NBPF26: variants seen among roughly 807,000 people sequenced by gnomAD.
NBPF26 encodes NBPF family member NBPF26.
Under a neutral mutation model 119.6 loss-of-function variants are expected in NBPF26, and 79 were observed. The ratio of observed to expected loss-of-function variants is 0.66; its 90% confidence interval spans 0.55 to 0.80. The LOEUF (loss-of-function observed/expected upper bound fraction) is 0.80. Ranked by LOEUF, NBPF26 falls within the 30% of genes least tolerant of loss-of-function variation. NBPF26 has a pLI of 0.00. For missense variants in NBPF26, 800 were observed against 1,198.2 expected, an observed-to-expected ratio of 0.67 and a Z score of 4.91; for synonymous variants, 299 against 457.7, an observed-to-expected ratio of 0.65 and a Z score of 4.43.
At chr1:120,820,447 AATATATATATAT>A (rs1229895629) in intron 15 of NBPF26, among the ~76,000 whole-genome samples, 193 of 10,834 alleles carry the variant, frequency 0.018, 51 homozygotes, top group Non-Finnish European at 0.024. Context: ...AAGTATTAAA[AATATATATATAT>A]ATATATATAT....
chr1:120,809,999 A>G (rs1651818718), intron 8 of NBPF26, 116 bp downstream of exon 8: 6 of 1,429,380 alleles, frequency 4.2e-6, no homozygotes, highest in Admixed American at 1.8e-5. Context: ...TGGCCACAGT[A>G]TGTGAAATTC....
chr1:120,743,718 A>G (rs1650955203), intron 1 of NBPF26, among the ~76,000 whole-genome samples: 1 of 111,796 alleles, frequency 8.9e-6, no homozygotes, highest in Non-Finnish European at 1.8e-5. Context: ...TCATTTTTTG[A>G]GAACTAATGT....
chr1:120,785,036 G>T lies in NBPF26; in HGVS notation c.218G>T (p.Cys73Phe), dbSNP rs1651405569. Residue 73 changes from cysteine to phenylalanine, a missense_variant, in exon 3 of 30, where the codon TGC becomes TTC. This residue lies in a region of NBPF26 where 209 missense variants were observed against 285.2 expected (regional missense o/e 0.73). Coordinates refer to ENST00000620612, the Ensembl canonical transcript of NBPF26. ...CGAGACCCCTGTGAGAAGAACCGCTGCCAGAATGGTGGGACTTGTGTGGCC... is the reference window on the plus strand; with the variant it reads ...CGAGACCCCTGTGAGAAGAACCGCTTCCAGAATGGTGGGACTTGTGTGGCC... The T allele has an allele frequency of 4.4e-5, 63 of 1,442,744 alleles. 14 individuals are homozygous for T. The highest frequency in any genetic ancestry group is 4.0e-4 in the East Asian group (17 of 42,818). 89.4% of individuals were successfully genotyped at this position (1,442,744 alleles called of 1,614,324 possible).
chr1:120,806,641 A>G lies in NBPF26; in HGVS notation c.961+876A>G. Among the ~76,000 whole-genome samples the G allele has an allele frequency of 1.6e-5, 2 of 123,258 alleles. 1 individual carries two copies. The highest frequency in any genetic ancestry group is 3.3e-5 in the Non-Finnish European group (2 of 60,818). 80.9% of individuals were successfully genotyped at this position (123,258 alleles called of 152,430 possible). A position where few individuals can be genotyped will look rare whatever the true frequency, so the allele number is the denominator to read the frequency against. ...TAAATCAAAAATAAAAATAAAAAGC[A>G]GAGAGTACCTTGGTGAGAGTGAAGT... On this transcript the variant is annotated intron_variant, in intron 5 of 29. Transcript: ENST00000620612.
In NBPF26 at chr1:120,790,412, C is replaced by A. The variant is rs1651474051; in HGVS notation, c.416-2749C>A. 2.6e-5 allele frequency among the ~76,000 whole-genome samples: 3 copies of A among 115,586 alleles called. 1 individual carries two copies. In the South Asian group the frequency reaches 7.5e-4, roughly 29 times the overall value. 75.8% of individuals were successfully genotyped at this position (115,586 alleles called of 152,430 possible). On this transcript the variant is annotated intron_variant, in intron 3 of 29. Transcript: ENST00000620612. Reference sequence around the variant, plus strand: ...TTTTGGTTTTTGTGATAGCACTATACCTCAGTCAGCTTACTAGCTCATCTC... The same window carrying A: ...TTTTGGTTTTTGTGATAGCACTATAACTCAGTCAGCTTACTAGCTCATCTC...
chr1:120,817,252 A>G (rs1206299588), intron 14 of NBPF26, among the ~76,000 whole-genome samples: 1 of 112,954 alleles, frequency 8.9e-6, no homozygotes, highest in East Asian at 2.1e-4. Context: ...TTTCATCTGG[A>G]TCTCCTTTAA....
Position 120,840,481 on chromosome 1 carries a change from C to T in NBPF26, c.4235C>T (p.Ser1412Leu), listed in dbSNP as rs1553273513. Residue 1412 changes from serine to leucine, a missense_variant, in exon 30 of 30, where the codon TCA becomes TTA. By Grantham distance (145) the Ser-to-Leu change is moderately radical (BLOSUM62 -2). Coordinates refer to ENST00000620612, the Ensembl canonical transcript of NBPF26. ...CAGCACTACAGAAGTGTGTTTTACTCATTTGAGGAAGAGCATATCAGCTTC... is the reference window on the plus strand; with the variant it reads ...CAGCACTACAGAAGTGTGTTTTACTTATTTGAGGAAGAGCATATCAGCTTC... 3 of 1,480,044 alleles carry T rather than the reference C, an allele frequency of 2.0e-6. 1 individual carries two copies. Among genetic ancestry groups the T allele is most frequent in the Non-Finnish European group, 1.8e-6 (2 of 1,093,258 alleles). The allele number at this position is 1,480,044 out of a possible 1,614,324, so 91.7% of individuals were successfully genotyped here.
At chr1:120,761,593 A>G (rs1402050777) in intron 1 of NBPF26, among the ~76,000 whole-genome samples, 1 of 48,960 alleles carries the variant, frequency 2.0e-5, no homozygotes, top group East Asian at 4.1e-4. Context: ...TATTTAAAGA[A>G]AAAAAGTAAA....
At position 120,763,488 on chromosome 1, in the gene NBPF26, A is replaced by G. The variant is rs1651155145; in HGVS notation, c.74-140A>G. 8.8e-6 allele frequency: 4 copies of G among 453,870 alleles called. 1 individual carries two copies. The highest frequency in any genetic ancestry group is 3.9e-6 in the Non-Finnish European group (1 of 256,754). 28.1% of individuals were successfully genotyped at this position (453,870 alleles called of 1,614,324 possible). On this transcript the variant is annotated intron_variant, in intron 1 of 29. Coordinates refer to ENST00000620612, the Ensembl canonical transcript of NBPF26. Reference sequence around the variant, plus strand: ...GGGCTTCTGTGCTAGAAGCCAGAACATAAAAAACTGATTAAAACTCTAAAA... The same window carrying G: ...GGGCTTCTGTGCTAGAAGCCAGAACGTAAAAAACTGATTAAAACTCTAAAA...
In NBPF26 at chr1:120,727,463, G is replaced by A; in HGVS notation, c.73+3213G>A. 1.8e-5 allele frequency among the ~76,000 whole-genome samples: 2 copies of A among 113,276 alleles called. 1 individual carries two copies. Among genetic ancestry groups the A allele is most frequent in the African/African-American group, 1.1e-4 (2 of 18,774 alleles). The allele number at this position is 113,276 out of a possible 152,430, so 74.3% of individuals were successfully genotyped here. On this transcript the variant is annotated intron_variant, in intron 1 of 29. Transcript: ENST00000620612. Reference sequence around the variant, plus strand: ...TGTCATTTCTTCTGTTTATCTGGGTGCAGTATGTCTGCATTGACCCTTTAG... The same window carrying A: ...TGTCATTTCTTCTGTTTATCTGGGTACAGTATGTCTGCATTGACCCTTTAG...
chr1:120,778,601 T>A (rs1651326537), intron 2 of NBPF26, among the ~76,000 whole-genome samples: 1 of 21,234 alleles, frequency 4.7e-5, no homozygotes, highest in Non-Finnish European at 7.4e-5. Flanking sequence ...AATGGCCAAA[T>A]CCTCGTTTTA....
At chr1:120,785,276 G>T in intron 3 of NBPF26, 43 bp downstream of exon 3, 2 of 1,424,362 alleles carry the variant, frequency 1.4e-6, no homozygotes, top group Non-Finnish European at 1.9e-6. Context: ...ACCTTCAGCA[G>T]ATACCTTTAT....
At chr1:120,790,786 G>T (rs1273624338) in intron 3 of NBPF26, among the ~76,000 whole-genome samples, 4 of 106,946 alleles carry the variant, frequency 3.7e-5, no homozygotes, top group Non-Finnish European at 6.9e-5. Context: ...TTTTAGAAAA[G>T]ATGGCGTTTC....
At chr1:120,778,611 A>T (rs1222689816) in intron 2 of NBPF26, among the ~76,000 whole-genome samples, 4,400 of 19,858 alleles carry the variant, frequency 0.22, 858 homozygotes, top group East Asian at 0.26. Flanking sequence ...TCCTCGTTTT[A>T]AAAAAAAAAA....
exon 30 of NBPF26, chr1:120,840,559 T>G: frequency 6.8e-7 from 1 of 1,466,552 alleles, no homozygotes; most frequent in African/African-American, 2.0e-5. Context: ...AGTCTCCACC[T>G]GGTGTTCCAG....
chr1:120,776,363 G>A (rs1232478835), intron 2 of NBPF26, among the ~76,000 whole-genome samples: 1 of 75,296 alleles, frequency 1.3e-5, no homozygotes, highest in Non-Finnish European at 2.3e-5. Flanking sequence ...ACTGAACAGC[G>A]TGTACAGAGG....
intron 3 of NBPF26, among the ~76,000 whole-genome samples, chr1:120,791,335 G>T (rs1651491505): frequency 2.1e-5 from 2 of 96,850 alleles, no homozygotes; most frequent in Non-Finnish European, 3.7e-5. Flanking sequence ...CTGCTATAAA[G>T]ACACATGCAC....
chr1:120,790,583 TC>T (rs1178945184), intron 3 of NBPF26, among the ~76,000 whole-genome samples: 4 of 106,464 alleles, frequency 3.8e-5, no homozygotes, highest in Non-Finnish European at 5.2e-5. Flanking sequence ...TTTCTTTCTT[TC>T]TTTCTTTCTC....
At position 120,724,064 on chromosome 1, in the gene NBPF26, C is replaced by T; in HGVS notation, c.-114C>T. 2.3e-6 allele frequency: 3 copies of T among 1,288,278 alleles called. 1 individual carries two copies. Among genetic ancestry groups the T allele is most frequent in the Non-Finnish European group, 3.0e-6 (3 of 1,012,786 alleles). The allele number at this position is 1,288,278 out of a possible 1,614,324, so 79.8% of individuals were successfully genotyped here. On this transcript the variant is annotated 5_prime_UTR_variant, in exon 1 of 30. Transcript: ENST00000620612. The stretch of plus-strand genomic sequence containing the variant: ...AGCGCCAGGGCCTGAGCCTTTGAAG[C>T]AGGAGGAGGGGAGGAGAGAGTGGGG...
Sources: gnomAD v4.1 joint callset for allele counts (sites outside exome capture counted in the v4.1 genomes callset) on GRCh38, gnomAD v4.1.1 for gene constraint, gnomAD v4.1.1 regional missense constraint, MANE v1.5 for transcripts, NCBI Gene and HGNC (gene_info 2026-07-23, HGNC 2026-07-21) for gene names.